GAS2L3: variants seen among roughly 807,000 people sequenced by gnomAD.
The protein encoded by GAS2L3 is growth arrest specific 2 like 3.
GAS2L3 carries 28 observed loss-of-function variants against 37.0 expected under a neutral mutation model. That is an observed-to-expected ratio of 0.76 (90% CI 0.56 to 1.04). GAS2L3 has a LOEUF of 1.04. Among genes scored for constraint, GAS2L3 ranks in the 50% least tolerant of loss-of-function variants. GAS2L3 has a pLI of 0.00. For synonymous variants in GAS2L3, 290 were observed against 296.6 expected (o/e 0.98, Z 0.23); for missense variants, 793 against 817.6 (o/e 0.97, Z 0.37).
chr12:100,622,416 A>G lies in GAS2L3; in HGVS notation c.756+34A>G, dbSNP rs1294138075. The G allele has an allele frequency of 2.8e-6, 3 of 1,063,032 alleles. No homozygotes were observed. The South Asian group carries it at 4.1e-5, about 15-fold the overall frequency. The allele number at this position is 1,063,032 out of a possible 1,614,324, so 65.8% of individuals were successfully genotyped here. A position where few individuals can be genotyped will look rare whatever the true frequency, so the allele number is the denominator to read the frequency against. On this transcript the variant is annotated intron_variant, in intron 9 of 9. Coordinates refer to ENST00000547754, the MANE Select transcript of GAS2L3 (RefSeq NM_174942.3). ...ATTATTTACACTTTATTTACACATA[A>G]ATACTGTTTTGAAATTGGATTTATT...
intron 3 of GAS2L3, among the ~76,000 whole-genome samples, chr12:100,597,539 C>T (rs557447871): frequency 6.6e-6 from 1 of 152,084 alleles, no homozygotes; most frequent in Admixed American, 6.6e-5. Flanking sequence ...ATTCATTGCC[C>T]AATCCCTACC....
intron 8 of GAS2L3, among the ~76,000 whole-genome samples, chr12:100,620,539 TTAAA>T (rs1314395582): frequency 6.6e-6 from 1 of 151,958 alleles, no homozygotes; most frequent in East Asian, 1.9e-4. Context: ...TTCGGGTATC[TTAAA>T]TAAGGAAAAG....
chr12:100,595,988 T>C (rs182535234), intron 3 of GAS2L3, among the ~76,000 whole-genome samples: 45 of 152,106 alleles, frequency 3.0e-4, no homozygotes, highest in Non-Finnish European at 3.8e-4. Flanking sequence ...AATTTAACAG[T>C]GGATGACAGC....
intron 6 of GAS2L3, among the ~76,000 whole-genome samples, chr12:100,615,762 AATT>A (rs1956179119): frequency 2.0e-5 from 3 of 152,108 alleles, no homozygotes; most frequent in Admixed American, 2.0e-4. Flanking sequence ...CTCCTTATTG[AATT>A]GTCTTAGCAT....
intron 2 of GAS2L3, among the ~76,000 whole-genome samples, chr12:100,594,585 A>AT (rs1156802551): frequency 6.6e-6 from 1 of 151,694 alleles, no homozygotes; most frequent in Non-Finnish European, 1.5e-5. Flanking sequence ...AGTTTTGTTG[A>AT]TTTTTTTTCA....
chr12:100,579,527 A>G, intron 1 of GAS2L3: 1 of 774,010 alleles, frequency 1.3e-6, no homozygotes, highest in Non-Finnish European at 2.4e-6. Context: ...TCATAATTGG[A>G]GGAGAGGGAC....
At chr12:100,597,605 T>C (rs1235445416) in intron 3 of GAS2L3, among the ~76,000 whole-genome samples, 1 of 152,086 alleles carries the variant, frequency 6.6e-6, no homozygotes, top group Non-Finnish European at 1.5e-5. Flanking sequence ...TTGTCTTTGA[T>C]GGGGTTTTTA....
At chr12:100,600,599 A>G in intron 4 of GAS2L3, 49 bp downstream of exon 4, 1 of 1,336,458 alleles carries the variant, frequency 7.5e-7, no homozygotes, top group Non-Finnish European at 1.1e-6. Flanking sequence ...TTCAATATGC[A>G]TTTATTGAGA....
intron 1 of GAS2L3, among the ~76,000 whole-genome samples, chr12:100,576,499 T>C (rs945508627): frequency 1.3e-5 from 2 of 152,178 alleles, no homozygotes; most frequent in African/African-American, 4.8e-5. Context: ...TAGAATGATA[T>C]TAGATATACC....
rs184927871 is a variant in GAS2L3, at chr12:100,615,482, C to T, written c.446-2262C>T. ...TTTCTTGATAGTGTCCTTTGATATACGAAAGTTTTAAATTTTGGTGACATT... is the reference window on the plus strand; with the variant it reads ...TTTCTTGATAGTGTCCTTTGATATATGAAAGTTTTAAATTTTGGTGACATT... On this transcript the variant is annotated intron_variant, in intron 6 of 9. Transcript: ENST00000547754. Among the ~76,000 whole-genome samples the T allele has an allele frequency of 3.8e-4, 58 of 151,890 alleles. 1 individual carries two copies. The Middle Eastern group carries it at 0.01, about 27-fold the overall frequency.
rs565467332 is a variant in GAS2L3, at chr12:100,597,971, A to T, written c.19-2411A>T. ...CTTTTTTAAAAGTTTGGTTTTTTTA[A>T]AAAAAAATTTTAAAGCCATCACAGA... On this transcript the variant is annotated intron_variant, in intron 3 of 9. Transcript: ENST00000547754. Among the ~76,000 whole-genome samples, 102 of 152,104 alleles carry T rather than the reference A, an allele frequency of 6.7e-4. 2 individuals are homozygous for T. In the South Asian group the frequency reaches 0.011, roughly 16 times the overall value.
At position 100,624,995 on chromosome 12, in the gene GAS2L3, A is replaced by G. The variant is rs971440084; in HGVS notation, c.*105A>G. On this transcript the variant is annotated 3_prime_UTR_variant, in exon 10 of 10. Transcript: ENST00000547754. ...TCTGTCTAAATAGGTGCAGACACTA[A>G]GGATAGTGAGGATGGAGGCTGGGAT... The G allele has an allele frequency of 7.2e-6, 6 of 835,694 alleles. No individual in the cohort carries two copies. The highest frequency in any genetic ancestry group is 3.8e-6 in the Non-Finnish European group (2 of 530,974). The allele number at this position is 835,694 out of a possible 1,614,324, so 51.8% of individuals were successfully genotyped here. A position where few individuals can be genotyped will look rare whatever the true frequency, so the allele number is the denominator to read the frequency against.
In GAS2L3 at chr12:100,624,171, C is replaced by T. The variant is rs1240036926; in HGVS notation, c.1366C>T (p.Pro456Ser). The T allele has an allele frequency of 6.2e-7, 1 of 1,613,738 alleles. No individual in the cohort carries two copies. Among genetic ancestry groups the T allele is most frequent in the African/African-American group, 1.3e-5 (1 of 74,898 alleles). ...VIPAQNSADL[P>S]ESTLLPNKCS... ...TCCAGCCCAGAATTCAGCAGATCTGCCCGAGTCCACACTTTTGCCAAATAA... is the reference window on the plus strand; with the variant it reads ...TCCAGCCCAGAATTCAGCAGATCTGTCCGAGTCCACACTTTTGCCAAATAA... The change falls in exon 10 of 10, where the codon CCC (proline) becomes TCC (serine). Residue 456 changes from proline to serine, a missense_variant. Physicochemically the swap from Pro to Ser is moderately conservative, Grantham distance 74 (BLOSUM62 -1). Coordinates refer to ENST00000547754, the MANE Select transcript of GAS2L3 (RefSeq NM_174942.3).
At chr12:100,597,329 C>T (rs535228213) in intron 3 of GAS2L3, among the ~76,000 whole-genome samples, 1 of 152,052 alleles carries the variant, frequency 6.6e-6, no homozygotes, top group South Asian at 2.1e-4. Flanking sequence ...AATATCTATT[C>T]CTCAATTATT....
chr12:100,615,113 C>T (rs1956170227), intron 6 of GAS2L3, among the ~76,000 whole-genome samples: 1 of 152,186 alleles, frequency 6.6e-6, no homozygotes, highest in African/African-American at 2.4e-5. Context: ...CACCATTTTA[C>T]ATTTCTGCCA....
At chr12:100,580,473 G>A (rs142945260) in intron 1 of GAS2L3, among the ~76,000 whole-genome samples, 3 of 152,112 alleles carry the variant, frequency 2.0e-5, no homozygotes, top group African/African-American at 7.2e-5. Context: ...AATCCCTGTA[G>A]CAGAGATGTT....
In GAS2L3 at chr12:100,579,516, T is replaced by C. The variant is rs1307945413; in HGVS notation, c.-152+5731T>C. On this transcript the variant is annotated intron_variant, in intron 1 of 9. Transcript: ENST00000547754. ...TTGTCAGAAATATTAAGATTTAAAT[T>C]TCATAATTGGAGGAGAGGGACCAAA... The C allele has an allele frequency of 6.5e-6, 5 of 773,790 alleles. No homozygotes were observed. In the East Asian group the frequency reaches 9.7e-5, roughly 15 times the overall value. The allele number at this position is 773,790 out of a possible 1,614,324, so 47.9% of individuals were successfully genotyped here.
chr12:100,574,021 A>T (rs1955604763), intron 1 of GAS2L3: 1 of 152,112 alleles, frequency 6.6e-6, no homozygotes, highest in Non-Finnish European at 1.5e-5. Flanking sequence ...GCCTGCCTTC[A>T]CCTGTCCACC....
intron 1 of GAS2L3, among the ~76,000 whole-genome samples, chr12:100,586,974 A>G (rs991078398): frequency 2.6e-5 from 4 of 152,234 alleles, no homozygotes; most frequent in Admixed American, 1.3e-4. Flanking sequence ...TAGAAAATCT[A>G]GAAGAGATGG....
Sources: gnomAD v4.1 joint callset for allele counts (sites outside exome capture counted in the v4.1 genomes callset) on GRCh38, gnomAD v4.1.1 for gene constraint, MANE v1.5 for transcripts, NCBI Gene and HGNC (gene_info 2026-07-23, HGNC 2026-07-21) for gene names.